The following DPY19L3 variants were observed in gnomAD, a reference collection of about 807,000 sequenced individuals.
DPY19L3 encodes protein C-mannosyl-transferase DPY19L3.
Under a neutral mutation model 92.3 loss-of-function variants are expected in DPY19L3, and 51 were observed. That is an observed-to-expected ratio of 0.55 (90% CI 0.44 to 0.70). The LOEUF (loss-of-function observed/expected upper bound fraction) is 0.70, where lower values mean the gene tolerates loss of function less well. DPY19L3 is among the 30% of genes least tolerant of loss of function. The probability of loss-of-function intolerance (pLI) is 0.00; values close to 1 mark genes in which losing one functional copy is unlikely to be tolerated. For missense variants in DPY19L3, 706 were observed against 855.9 expected, an observed-to-expected ratio of 0.82 and a Z score of 2.18; for synonymous variants, 309 against 315.2, an observed-to-expected ratio of 0.98 and a Z score of 0.21.
chr19:32,407,847 C>CT (rs1364564101), intron 1 of DPY19L3, among the ~76,000 whole-genome samples: 3 of 152,300 alleles, frequency 2.0e-5, no homozygotes, highest in African/African-American at 7.2e-5. Context: ...AATCCTAGCA[C>CT]TTTGGGAGTC....
intron 12 of DPY19L3, among the ~76,000 whole-genome samples, chr19:32,459,241 G>A (rs1969964346): frequency 1.3e-5 from 2 of 152,220 alleles, no homozygotes; most frequent in Admixed American, 1.3e-4. Flanking sequence ...CCATCAAGCT[G>A]CTGGGGGGGT....
In DPY19L3 at chr19:32,408,229, G is replaced by A; in HGVS notation, c.-25G>A. 1.9e-6 allele frequency: 3 copies of A among 1,558,408 alleles called. No homozygotes were observed. Among genetic ancestry groups the A allele is most frequent in the South Asian group, 1.1e-5 (1 of 89,014 alleles). On this transcript the variant is annotated 5_prime_UTR_variant, in exon 2 of 19. Coordinates refer to ENST00000392250, the MANE Select transcript of DPY19L3 (RefSeq NM_001172774.2). ...TATTGCTATCTAGGAGTGATTTGGA[G>A]AACAATGCATGTAAGTCTGACATCA...
At chr19:32,423,320 C>T (rs1349190349) in intron 3 of DPY19L3, among the ~76,000 whole-genome samples, 1 of 151,562 alleles carries the variant, frequency 6.6e-6, no homozygotes, top group Non-Finnish European at 1.5e-5. Context: ...CTCACTGCAA[C>T]CTCCGCCTTC....
At chr19:32,410,328 A>G (rs1412522816) in intron 2 of DPY19L3, among the ~76,000 whole-genome samples, 1 of 152,174 alleles carries the variant, frequency 6.6e-6, no homozygotes, top group Non-Finnish European at 1.5e-5. Context: ...TCCTGAAAGT[A>G]TTCATCTTAT....
intron 2 of DPY19L3, 72 bp downstream of exon 2, chr19:32,408,428 A>T: frequency 8.7e-7 from 1 of 1,149,360 alleles, no homozygotes. Context: ...ACTCTCCAAT[A>T]GGATAAAAAT....
chr19:32,451,477 A>C (rs552435238), intron 8 of DPY19L3, among the ~76,000 whole-genome samples: 1 of 152,288 alleles, frequency 6.6e-6, no homozygotes, highest in East Asian at 1.9e-4. Flanking sequence ...CATTGACACT[A>C]AGCAAAAGCA....
chr19:32,467,653 C>T lies in DPY19L3; in HGVS notation c.1615-1078C>T. 4 of 987,560 alleles carry T rather than the reference C, an allele frequency of 4.1e-6. No individual in the cohort carries two copies. The South Asian group carries it at 1.9e-4, about 46-fold the overall frequency. 61.2% of individuals were successfully genotyped at this position (987,560 alleles called of 1,614,324 possible). On this transcript the variant is annotated intron_variant, in intron 15 of 18. Coordinates refer to ENST00000392250, the MANE Select transcript of DPY19L3 (RefSeq NM_001172774.2). ...TGCTGCTTTGATTCTACTAGTGGTTCTTAAATAAAAGTATTATATTTTCTA... is the reference window on the plus strand; with the variant it reads ...TGCTGCTTTGATTCTACTAGTGGTTTTTAAATAAAAGTATTATATTTTCTA...
intron 3 of DPY19L3, among the ~76,000 whole-genome samples, chr19:32,416,910 C>T (rs1968397440): frequency 6.6e-6 from 1 of 152,234 alleles, no homozygotes; most frequent in Admixed American, 6.5e-5. Context: ...TGGCTCAAAG[C>T]CCTGACTCTC....
At chr19:32,411,128 T>C in intron 2 of DPY19L3, 111 bp from the exon 3 acceptor site, 6 of 1,164,474 alleles carry the variant, frequency 5.2e-6, no homozygotes, top group Non-Finnish European at 7.3e-6. Flanking sequence ...CAGGAAAAGC[T>C]TTCCCAGTGA....
At chr19:32,473,401 TA>T (rs1425286395) in intron 16 of DPY19L3, among the ~76,000 whole-genome samples, 2 of 152,232 alleles carry the variant, frequency 1.3e-5, no homozygotes, top group Admixed American at 1.3e-4. Flanking sequence ...AAAAGCACAT[TA>T]GCTATTTTAG....
In DPY19L3 at chr19:32,450,558, A is replaced by T. The variant is rs544302839; in HGVS notation, c.856-2587A>T. ...TGTTCAGCAATAAAAAAGAATGTTG[A>T]TACATGGTGCAACATGGATGAAACT... On this transcript the variant is annotated intron_variant, in intron 8 of 18. Coordinates refer to ENST00000392250, the MANE Select transcript of DPY19L3 (RefSeq NM_001172774.2). 3.9e-5 allele frequency among the ~76,000 whole-genome samples: 6 copies of T among 152,342 alleles called. No homozygotes were observed. In the East Asian group the frequency reaches 1.2e-3, roughly 29 times the overall value.
At chr19:32,441,919 A>G (rs1475454472) in intron 8 of DPY19L3, among the ~76,000 whole-genome samples, 4 of 152,202 alleles carry the variant, frequency 2.6e-5, no homozygotes, top group African/African-American at 9.6e-5. Flanking sequence ...CAACTTTTAC[A>G]TTTGAAACTG....
chr19:32,439,233 GA>G lies in DPY19L3; in HGVS notation c.720del (p.Arg241GlyfsTer2). The stretch of plus-strand genomic sequence containing the variant: ...GAGACCAAACTTACAGCCTCTTTCT[GA>G]AGTAAGTGTTTATAAAATTTCATAT... ...FLRPNLQPLSERLTLLAIFIS... is the reference protein window; with the variant it reads ...FLRPNLQPLSXRLTLLAIFIS... On this transcript the variant is annotated frameshift_variant and splice_region_variant, in exon 7 of 19. Coordinates refer to ENST00000392250, the MANE Select transcript of DPY19L3 (RefSeq NM_001172774.2). LOFTEE classifies it high-confidence loss of function. 6.2e-7 allele frequency: 1 copy of G among 1,605,222 alleles called. No homozygotes were observed. Among genetic ancestry groups the G allele is most frequent in the Non-Finnish European group, 8.5e-7 (1 of 1,177,334 alleles).
At chr19:32,443,125 G>A (rs1034590866) in intron 8 of DPY19L3, among the ~76,000 whole-genome samples, 1 of 152,132 alleles carries the variant, frequency 6.6e-6, no homozygotes, top group Non-Finnish European at 1.5e-5. Context: ...TGCAGGCCAT[G>A]TAGGGAGCAG....
chr19:32,445,452 A>AAAAAAC (rs1201604256), intron 8 of DPY19L3, among the ~76,000 whole-genome samples: 3 of 149,094 alleles, frequency 2.0e-5, no homozygotes, highest in Non-Finnish European at 4.5e-5. Flanking sequence ...AAAAAAAAAA[A>AAAAAAC]AAAAAAAAAC....
intron 12 of DPY19L3, 118 bp downstream of exon 12, chr19:32,458,627 G>C (rs1167562581): frequency 9.4e-7 from 1 of 1,067,502 alleles, no homozygotes; most frequent in Non-Finnish European, 1.4e-6. Context: ...CATCTTAAAG[G>C]GGGAACATAC....
At chr19:32,436,714 G>A in intron 5 of DPY19L3, 147 bp downstream of exon 5, 1 of 735,940 alleles carries the variant, frequency 1.4e-6, no homozygotes, top group Non-Finnish European at 2.0e-6. Flanking sequence ...TGTATATTAT[G>A]AACTTTATAA....
rs995421406 is a variant in DPY19L3, at chr19:32,480,818, A to G, written c.1989+261A>G. ...AACAGAGCAGCTCTGCCTTCAGCTC[A>G]TTTGTATGATGGGGCTCTGCATAAA... On this transcript the variant is annotated intron_variant, in intron 18 of 18. Coordinates refer to ENST00000392250, the MANE Select transcript of DPY19L3 (RefSeq NM_001172774.2). 3 of 526,616 alleles carry G rather than the reference A, an allele frequency of 5.7e-6. No homozygotes were observed. In the African/African-American group the frequency reaches 5.8e-5, roughly 10 times the overall value. The allele number at this position is 526,616 out of a possible 1,614,324, so 32.6% of individuals were successfully genotyped here. A position where few individuals can be genotyped will look rare whatever the true frequency, so the allele number is the denominator to read the frequency against.
intron 17 of DPY19L3, among the ~76,000 whole-genome samples, chr19:32,478,185 T>C (rs1453180133): frequency 6.6e-6 from 1 of 152,160 alleles, no homozygotes; most frequent in Non-Finnish European, 1.5e-5. Flanking sequence ...GACCTCTGCC[T>C]GCCCATATCC....
Sources: gnomAD v4.1 joint callset for allele counts (sites outside exome capture counted in the v4.1 genomes callset) on GRCh38, gnomAD v4.1.1 for gene constraint, MANE v1.5 for transcripts, NCBI Gene and HGNC (gene_info 2026-07-23, HGNC 2026-07-21) for gene names.